STRBP: variants seen among roughly 807,000 people sequenced by gnomAD.
The protein encoded by STRBP is spermatid perinuclear RNA-binding protein.
STRBP carries 13 observed loss-of-function variants against 80.1 expected under a neutral mutation model. The ratio of observed to expected loss-of-function variants is 0.16; its 90% CI spans 0.11 to 0.26. STRBP has a LOEUF of 0.26. STRBP is among the 10% of genes least tolerant of loss of function. The probability of loss-of-function intolerance (pLI) is 1.00; values close to 1 mark genes in which losing one functional copy is unlikely to be tolerated. For missense variants in STRBP, 485 were observed against 815.2 expected (o/e 0.59, Z 4.93); for synonymous variants, 284 against 291.2 (o/e 0.98, Z 0.25).
chr9:123,194,543 C>T (rs2132492772), intron 2 of STRBP, among the ~76,000 whole-genome samples: 1 of 152,190 alleles, frequency 6.6e-6, no homozygotes, highest in East Asian at 1.9e-4. Flanking sequence ...TGCTTTGCTA[C>T]AGCTACTAGC....
chr9:123,192,797 G>C (rs1414121432), intron 2 of STRBP, among the ~76,000 whole-genome samples: 1 of 152,078 alleles, frequency 6.6e-6, no homozygotes, highest in Non-Finnish European at 1.5e-5. Flanking sequence ...CCATCATTGA[G>C]GAAAATTTTA....
intron 13 of STRBP, among the ~76,000 whole-genome samples, chr9:123,144,197 C>CAAA (rs957671357): frequency 2.9e-5 from 2 of 69,050 alleles, no homozygotes; most frequent in African/African-American, 4.1e-5. Flanking sequence ...GACTCCGTCT[C>CAAA]AAAAAAAAAA....
At position 123,123,260 on chromosome 9, in the gene STRBP, A is replaced by G; in HGVS notation, c.*2337T>C. On this transcript the variant is annotated 3_prime_UTR_variant, in exon 19 of 19. Transcript: ENST00000348403. The stretch of plus-strand genomic sequence containing the variant: ...AGAAGCAAAACTTCATGTTAATCTC[A>G]GGCAATTTGGTGAAGCCAAGAGCTT... 2 of 985,448 alleles carry G rather than the reference A, an allele frequency of 2.0e-6. No individual in the cohort carries two copies. The highest frequency in any genetic ancestry group is 1.2e-6 in the Non-Finnish European group (1 of 829,934). The allele number at this position is 985,448 out of a possible 1,614,324, so 61.0% of individuals were successfully genotyped here.
At chr9:123,173,017 C>T (rs112422347) in intron 5 of STRBP, among the ~76,000 whole-genome samples, 3 of 152,006 alleles carry the variant, frequency 2.0e-5, no homozygotes, top group African/African-American at 7.2e-5. Flanking sequence ...TCACAGACTC[C>T]CAATCAGTGA....
intron 2 of STRBP, among the ~76,000 whole-genome samples, chr9:123,231,327 A>G (rs1049162824): frequency 6.6e-6 from 1 of 152,182 alleles, no homozygotes; most frequent in East Asian, 1.9e-4. Context: ...TCCAAATATA[A>G]AAGTCCAATC....
chr9:123,142,020 T>C (rs1296705727), intron 13 of STRBP, among the ~76,000 whole-genome samples: 1 of 152,220 alleles, frequency 6.6e-6, no homozygotes, highest in Non-Finnish European at 1.5e-5. Context: ...GCAAGAATCC[T>C]GCTAAATTGG....
chr9:123,156,273 G>A (rs2037280839), intron 11 of STRBP, among the ~76,000 whole-genome samples: 1 of 151,742 alleles, frequency 6.6e-6, no homozygotes, highest in Admixed American at 6.6e-5. Flanking sequence ...ATGTCACATG[G>A]GTATGTAAAT....
At chr9:123,239,323 C>T (rs569958005) in intron 1 of STRBP, among the ~76,000 whole-genome samples, 4 of 151,970 alleles carry the variant, frequency 2.6e-5, no homozygotes, top group East Asian at 1.9e-4. Flanking sequence ...TGCAGTGAGC[C>T]GAGATCGCGC....
At chr9:123,210,460 G>GA (rs1012416944) in intron 2 of STRBP, among the ~76,000 whole-genome samples, 5 of 149,918 alleles carry the variant, frequency 3.3e-5, no homozygotes, top group Admixed American at 6.6e-5. Flanking sequence ...GAAAAAAACA[G>GA]AAAAAAAAGG....
chr9:123,111,857 A>C (rs1056089810), intron 3 of STRBP: 1 of 238,124 alleles, frequency 4.2e-6, no homozygotes, highest in Non-Finnish European at 9.0e-6. Context: ...CAGGCAGCAA[A>C]ATCCGAGAGG....
chr9:123,141,357 T>C (rs909187187), intron 13 of STRBP, among the ~76,000 whole-genome samples: 3 of 152,230 alleles, frequency 2.0e-5, no homozygotes. Context: ...AAGAACGCTT[T>C]TTTAACATCT....
chr9:123,194,461 C>A (rs953195377), intron 2 of STRBP, among the ~76,000 whole-genome samples: 1 of 152,062 alleles, frequency 6.6e-6, no homozygotes, highest in African/African-American at 2.4e-5. Flanking sequence ...TATCAGCATT[C>A]CCACATGTTG....
downstream of STRBP, among the ~76,000 whole-genome samples, chr9:123,117,760 T>C (rs2035669046): frequency 6.6e-6 from 1 of 152,224 alleles, no homozygotes; most frequent in African/African-American, 2.4e-5. Flanking sequence ...CTGGCTTAAA[T>C]TGTTGAAGAC....
chr9:123,265,935 T>A (rs930692392), intron 1 of STRBP, among the ~76,000 whole-genome samples: 1 of 152,188 alleles, frequency 6.6e-6, no homozygotes, highest in African/African-American at 2.4e-5. Flanking sequence ...AGGAGCTAGG[T>A]GTACATTACT....
At position 123,122,409 on chromosome 9, in the gene STRBP, G is replaced by T; in HGVS notation, c.*3188C>A. On this transcript the variant is annotated 3_prime_UTR_variant, in exon 19 of 19. Transcript: ENST00000348403. ...AGCTCTTCAATTAATAATGGTGGCT[G>T]ATTCATGATTTTCAAACATTCACCC... is the stretch of plus-strand genomic sequence containing the variant. The T allele has an allele frequency of 1.7e-6, 2 of 1,177,206 alleles. No homozygotes were observed. The highest frequency in any genetic ancestry group is 2.1e-6 in the Non-Finnish European group (2 of 936,372). 72.9% of individuals were successfully genotyped at this position (1,177,206 alleles called of 1,614,324 possible).
Position 123,123,702 on chromosome 9 carries a change from C to A in STRBP, c.*1895G>T. 1 of 985,360 alleles carries A rather than the reference C, an allele frequency of 1.0e-6. No homozygotes were observed. Among genetic ancestry groups the A allele is most frequent in the Non-Finnish European group, 1.2e-6 (1 of 829,922 alleles). 61.0% of individuals were successfully genotyped at this position (985,360 alleles called of 1,614,324 possible). On this transcript the variant is annotated 3_prime_UTR_variant, in exon 19 of 19. Transcript: ENST00000348403. The stretch of plus-strand genomic sequence containing the variant: ...ATATCTAGAGATTCCAACGTGGAAT[C>A]CAAATTTGATGACCAATTTCAAATA...
At chr9:123,229,057 A>G (rs1482398558) in intron 2 of STRBP, among the ~76,000 whole-genome samples, 2 of 152,242 alleles carry the variant, frequency 1.3e-5, no homozygotes, top group African/African-American at 4.8e-5. Flanking sequence ...TGAAAACATT[A>G]TGCTAAGGGA....
At position 123,193,164 on chromosome 9, in the gene STRBP, T is replaced by A. The variant is rs375831287; in HGVS notation, c.-164-8866A>T. On this transcript the variant is annotated intron_variant, in intron 2 of 18. Coordinates refer to ENST00000348403, the MANE Select transcript of STRBP (RefSeq NM_018387.5). ...TCCTCCTTTGAGCCATCCAGCACTTTTTCAGCTTCCTTTATATTTCTATTA... is the reference window on the plus strand; with the variant it reads ...TCCTCCTTTGAGCCATCCAGCACTTATTCAGCTTCCTTTATATTTCTATTA... 3.3e-5 allele frequency among the ~76,000 whole-genome samples: 5 copies of A among 152,346 alleles called. No individual in the cohort carries two copies. The East Asian group carries it at 9.6e-4, about 29-fold the overall frequency.
chr9:123,208,474 G>A (rs530655622), intron 2 of STRBP, among the ~76,000 whole-genome samples: 1 of 152,236 alleles, frequency 6.6e-6, no homozygotes, highest in African/African-American at 2.4e-5. Flanking sequence ...TTACTCTAGT[G>A]CAGGAGTCAG....
Sources: gnomAD v4.1 joint callset for allele counts (sites outside exome capture counted in the v4.1 genomes callset) on GRCh38, gnomAD v4.1.1 for gene constraint, MANE v1.5 for transcripts, NCBI Gene and HGNC (gene_info 2026-07-23, HGNC 2026-07-21) for gene names.